C20orf96: variants seen among roughly 807,000 people sequenced by gnomAD.
C20orf96 encodes chromosome 20 open reading frame 96, also known as uncharacterized protein C20orf96.
In C20orf96, 57 loss-of-function variants were observed where a neutral mutation model predicts 52.6. The observed-to-expected ratio is 1.08, with a 90% confidence interval of 0.88 to 1.35. The LOEUF (loss-of-function observed/expected upper bound fraction) is 1.35. Among genes scored for constraint, C20orf96 ranks in the 40% most tolerant of loss-of-function variants. C20orf96 has a pLI of 0.00. For synonymous variants in C20orf96, 168 were observed against 157.2 expected, an observed-to-expected ratio of 1.07 and a Z score of -0.51; for missense variants, 478 against 443.6, an observed-to-expected ratio of 1.08 and a Z score of -0.70.
At position 279,129 on chromosome 20, in the gene C20orf96, T is replaced by TGGGACGGA. The variant is rs746002326; in HGVS notation, c.465+35_465+42dup. The stretch of plus-strand genomic sequence containing the variant: ...GAGGGAGGGAGGGAGGGACGGAGGT[T>TGGGACGGA]GGGACGGAGGGACGGAGGGCGGGCG... On this transcript the variant is annotated intron_variant, in intron 5 of 10. Transcript: ENST00000360321. 2.7e-4 allele frequency: 237 copies of TGGGACGGA among 875,838 alleles called. 4 individuals carry two copies. Among genetic ancestry groups the TGGGACGGA allele is most frequent in the Middle Eastern group, 2.3e-3 (6 of 2,620 alleles). The allele number at this position is 875,838 out of a possible 1,614,324, so 54.3% of individuals were successfully genotyped here.
chr20:276,298 G>A, intron 9 of C20orf96: 2 of 985,442 alleles, frequency 2.0e-6, no homozygotes, highest in Non-Finnish European at 2.4e-6. Flanking sequence ...TGAAACAGGT[G>A]AGGGATCATG....
intron 1 of C20orf96, 70 bp downstream of exon 1, chr20:290,521 G>A (rs2012515584): frequency 1.3e-6 from 2 of 1,579,786 alleles, no homozygotes; most frequent in East Asian, 4.7e-5. Context: ...GCGGGACAGC[G>A]GCGGGGTGTG....
At chr20:272,906 T>A (rs1405168237) in intron 10 of C20orf96, among the ~76,000 whole-genome samples, 1 of 152,220 alleles carries the variant, frequency 6.6e-6, no homozygotes, top group Non-Finnish European at 1.5e-5. Context: ...CATGTTCCCC[T>A]GGACAACTGC....
intron 8 of C20orf96, 40 bp downstream of exon 8, chr20:277,004 G>A: frequency 6.3e-7 from 1 of 1,599,736 alleles, no homozygotes; most frequent in Middle Eastern, 1.7e-4. Context: ...GTGGGGGTGA[G>A]ACCTGGATCC....
At position 275,849 on chromosome 20, in the gene C20orf96, C is replaced by A. The variant is rs561793291; in HGVS notation, c.1031+119G>T. On this transcript the variant is annotated intron_variant, in intron 10 of 10. Transcript: ENST00000360321. ...ATCCAAGGTGGAAACCCAGGACCGC[C>A]CCTCCCTCCCTGTACAGGGTTCTGC... is the stretch of plus-strand genomic sequence containing the variant. 10 of 913,000 alleles carry A rather than the reference C, an allele frequency of 1.1e-5. No individual in the cohort carries two copies. The East Asian group carries it at 2.2e-4, about 20-fold the overall frequency. The allele number at this position is 913,000 out of a possible 1,614,324, so 56.6% of individuals were successfully genotyped here.
chr20:278,690 T>C (rs1012288468), intron 5 of C20orf96, among the ~76,000 whole-genome samples: 5 of 151,080 alleles, frequency 3.3e-5, no homozygotes, highest in Non-Finnish European at 7.4e-5. Flanking sequence ...CGGTACAGTA[T>C]GTGCCCGGTG....
rs766156164 is a variant in C20orf96, at chr20:279,315, C to G, written c.322G>C (p.Gly108Arg). The G allele has an allele frequency of 1.7e-5, 27 of 1,603,400 alleles. No homozygotes were observed. The highest frequency in any genetic ancestry group is 6.7e-5 in the Admixed American group (4 of 59,668). Reference protein sequence around the residue: ...IWLMKTSLRSGRAALRELRSR... With the variant: ...IWLMKTSLRSRRAALRELRSR... ...CGGAGCTCTCGCAGAGCGGCCCTCCCGCTCCTGAGCGAGGTCTGCGGGCGG... is the reference window on the plus strand; with the variant it reads ...CGGAGCTCTCGCAGAGCGGCCCTCCGGCTCCTGAGCGAGGTCTGCGGGCGG... The change falls in exon 5 of 11, where the codon GGG (glycine) becomes CGG (arginine). Residue 108 changes from glycine (G) to arginine (R), a missense_variant. Transcript: ENST00000360321.
Position 275,960 on chromosome 20 carries a change from T to C in C20orf96, c.1031+8A>G, listed in dbSNP as rs1295227517. ...GGTTTAAGAGGCAGTGGCAAAAAGA[T>C]CACATACTTGGGTCTCCGAAGCAGA... On this transcript the variant is annotated splice_region_variant and intron_variant, in intron 10 of 10. Transcript: ENST00000360321. The C allele has an allele frequency of 6.2e-7, 1 of 1,612,858 alleles. No individual in the cohort carries two copies. Among genetic ancestry groups the C allele is most frequent in the African/African-American group, 1.3e-5 (1 of 74,850 alleles).
intron 3 of C20orf96, among the ~76,000 whole-genome samples, chr20:288,299 T>C (rs2012449489): frequency 6.6e-6 from 1 of 151,418 alleles, no homozygotes; most frequent in Non-Finnish European, 1.5e-5. Context: ...GGAATATTGG[T>C]ATGGATTTAT....
intron 2 of C20orf96, 107 bp downstream of exon 2, chr20:290,152 G>T: frequency 2.4e-6 from 2 of 841,962 alleles, no homozygotes; most frequent in Non-Finnish European, 3.7e-6. Context: ...CTGGAATTCG[G>T]GTCTCCAGCC....
In C20orf96 at chr20:271,153, G is replaced by T. The variant is rs2011817369; in HGVS notation, c.*54C>A. 5 of 1,423,304 alleles carry T rather than the reference G, an allele frequency of 3.5e-6. No individual in the cohort carries two copies. In the East Asian group the frequency reaches 1.2e-4, roughly 35 times the overall value. The allele number at this position is 1,423,304 out of a possible 1,614,324, so 88.2% of individuals were successfully genotyped here. A position where few individuals can be genotyped will look rare whatever the true frequency, so the allele number is the denominator to read the frequency against. ...CGGTCCTGGAAGTAAATGATCCAAG[G>T]CTCCAGGTGCTGGGAAGAGAGCAGG... On this transcript the variant is annotated 3_prime_UTR_variant, in exon 11 of 11. Transcript: ENST00000360321.
rs376609517 is a variant in C20orf96, at chr20:276,094, G to T, written c.913-8C>A. The T allele has an allele frequency of 4.3e-6, 7 of 1,613,368 alleles. No individual in the cohort carries two copies. The highest frequency in any genetic ancestry group is 5.9e-6 in the Non-Finnish European group (7 of 1,179,938). ...CTCAAACTGGTCAATAATCTGAGAG[G>T]AAAGGCACAGCAGGGGAGAAGGGAG... On this transcript the variant is annotated splice_polypyrimidine_tract_variant and splice_region_variant and intron_variant, in intron 9 of 10. Transcript: ENST00000360321.
At chr20:275,565 A>T (rs1237640254) in intron 10 of C20orf96, among the ~76,000 whole-genome samples, 1 of 151,864 alleles carries the variant, frequency 6.6e-6, no homozygotes, top group East Asian at 1.9e-4. Context: ...GGGCCCAGAA[A>T]CCTGCCAAGT....
chr20:290,634 C>T lies in C20orf96; in HGVS notation c.-24G>A. The T allele has an allele frequency of 6.2e-7, 1 of 1,604,502 alleles. No individual in the cohort carries two copies. Among genetic ancestry groups the T allele is most frequent in the Non-Finnish European group, 8.5e-7 (1 of 1,178,536 alleles). Reference sequence around the variant, plus strand: ...ATTGGGGAAAATGGAAGAGAAGTTGCGAGTCTGTGAGACCCTGATCTTCTG... The same window carrying T: ...ATTGGGGAAAATGGAAGAGAAGTTGTGAGTCTGTGAGACCCTGATCTTCTG... On this transcript the variant is annotated 5_prime_UTR_variant, in exon 1 of 11. Coordinates refer to ENST00000360321, the MANE Select transcript of C20orf96 (RefSeq NM_153269.3).
intron 10 of C20orf96, among the ~76,000 whole-genome samples, 175 bp from the exon 11 acceptor site, chr20:271,442 AT>A (rs879692690): frequency 0.059 from 7,317 of 124,120 alleles, 222 homozygotes; most frequent in South Asian, 0.089. Context: ...ATACACAAGC[AT>A]ACACACACAC....
intron 3 of C20orf96, 77 bp downstream of exon 3, chr20:289,482 G>GGT: frequency 2.3e-6 from 2 of 863,932 alleles, no homozygotes; most frequent in East Asian, 4.9e-5. Context: ...TAATATAAGT[G>GGT]GTGTCACCAA....
intron 8 of C20orf96, 48 bp downstream of exon 8, chr20:276,996 G>C (rs139432390): frequency 1.4e-5 from 22 of 1,592,858 alleles, no homozygotes; most frequent in Non-Finnish European, 1.9e-5. Flanking sequence ...AGGGCGGGGT[G>C]GGGGTGAGAC....
intron 3 of C20orf96, among the ~76,000 whole-genome samples, chr20:286,477 AC>A (rs2012388353): frequency 6.6e-6 from 1 of 150,974 alleles, no homozygotes; most frequent in African/African-American, 2.4e-5. Context: ...AGATCACACC[AC>A]TGTACTCCAG....
intron 6 of C20orf96, 124 bp from the exon 7 acceptor site, chr20:277,507 G>T: frequency 1.1e-6 from 1 of 922,514 alleles, no homozygotes; most frequent in South Asian, 1.6e-5. Flanking sequence ...GCTGAGGTGA[G>T]CTCACACAGG....
Sources: allele counts gnomAD v4.1 joint callset (sites outside exome capture counted in the v4.1 genomes callset), GRCh38; gene constraint gnomAD v4.1.1; transcripts MANE v1.5; gene names NCBI Gene and HGNC (gene_info 2026-07-23, HGNC 2026-07-21).